SPIRE1: variants seen among roughly 807,000 people sequenced by gnomAD.
The protein encoded by SPIRE1 is spire type actin nucleation factor 1, also known as protein spire homolog 1.
Under a neutral mutation model 94.1 loss-of-function variants are expected in SPIRE1, and 40 were observed. That is an observed-to-expected ratio of 0.43 (90% CI 0.33 to 0.55). SPIRE1 has a LOEUF of 0.55. Ranked by LOEUF, SPIRE1 falls within the 20% of genes least tolerant of loss-of-function variation. The probability of loss-of-function intolerance (pLI) is 0.06; values close to 1 mark genes in which losing one functional copy is unlikely to be tolerated. For synonymous variants in SPIRE1, 376 were observed against 371.7 expected, an observed-to-expected ratio of 1.01 and a Z score of -0.13; for missense variants, 838 against 975.2, an observed-to-expected ratio of 0.86 and a Z score of 1.87.
At chr18:12,450,022 C>T (rs1380869797) in intron 16 of SPIRE1, 126 bp from the exon 17 acceptor site, 1 of 998,940 alleles carries the variant, frequency 1.0e-6, no homozygotes, top group Non-Finnish European at 1.4e-6. Context: ...GTGATTTAAT[C>T]ATATGTCCTT....
At chr18:12,621,083 A>ATC (rs758266397) in intron 2 of SPIRE1, among the ~76,000 whole-genome samples, 8 of 152,178 alleles carry the variant, frequency 5.3e-5, no homozygotes, top group Admixed American at 6.5e-5. Flanking sequence ...GGGGCAAAGG[A>ATC]TCTGAATAGT....
At chr18:12,472,611 C>A (rs564028956) in intron 10 of SPIRE1, among the ~76,000 whole-genome samples, 1 of 151,480 alleles carries the variant, frequency 6.6e-6, no homozygotes. Context: ...TCAAGTGATC[C>A]GCCTGCCTCA....
chr18:12,588,777 CTT>C (rs1467679885), intron 2 of SPIRE1, among the ~76,000 whole-genome samples: 1 of 152,124 alleles, frequency 6.6e-6, no homozygotes, highest in African/African-American at 2.4e-5. Flanking sequence ...TTTCCTAAAT[CTT>C]TGTTTTTTTA....
chr18:12,532,369 A>G (rs1053066871), intron 4 of SPIRE1, among the ~76,000 whole-genome samples: 9 of 152,258 alleles, frequency 5.9e-5, no homozygotes, highest in African/African-American at 2.2e-4. Flanking sequence ...TAAGAAATTT[A>G]GTATAATTAA....
At chr18:12,632,935 A>C (rs373208268) in intron 2 of SPIRE1, among the ~76,000 whole-genome samples, 1 of 152,242 alleles carries the variant, frequency 6.6e-6, no homozygotes, top group East Asian at 1.9e-4. Context: ...CATTACCTAA[A>C]TGCAGATGAA....
intron 2 of SPIRE1, among the ~76,000 whole-genome samples, chr18:12,600,102 C>A (rs78658010): frequency 1.4e-3 from 167 of 118,340 alleles, no homozygotes; most frequent in South Asian, 2.9e-3. Flanking sequence ...CAATGGCCAG[C>A]AAAAAAAAAA....
intron 1 of SPIRE1, among the ~76,000 whole-genome samples, chr18:12,642,619 A>G (rs1048690236): frequency 6.6e-6 from 1 of 152,208 alleles, no homozygotes; most frequent in African/African-American, 2.4e-5. Context: ...GCTGTCTAGA[A>G]TGTCATCTTC....
At chr18:12,561,515 C>G (rs992420916) in intron 2 of SPIRE1, among the ~76,000 whole-genome samples, 2 of 152,200 alleles carry the variant, frequency 1.3e-5, no homozygotes, top group African/African-American at 4.8e-5. Context: ...ATCCGCCCGC[C>G]TTGGCCTCCC....
At chr18:12,635,208 T>G in intron 1 of SPIRE1, 112 bp from the exon 2 acceptor site, 1 of 586,662 alleles carries the variant, frequency 1.7e-6, no homozygotes, top group South Asian at 2.2e-5. Flanking sequence ...TGAGAATATC[T>G]ATGCAAATGA....
chr18:12,653,689 T>C (rs1056891271), intron 1 of SPIRE1, among the ~76,000 whole-genome samples: 8 of 152,228 alleles, frequency 5.3e-5, no homozygotes, highest in African/African-American at 1.9e-4. Flanking sequence ...GGCTTACACC[T>C]GTAATCCCAG....
chr18:12,469,304 G>C (rs2143661289), intron 10 of SPIRE1, among the ~76,000 whole-genome samples: 1 of 151,816 alleles, frequency 6.6e-6, no homozygotes, highest in Non-Finnish European at 1.5e-5. Flanking sequence ...TTGGGTTCAA[G>C]CGATTCTCCT....
chr18:12,628,549 T>C (rs988165842), intron 2 of SPIRE1, among the ~76,000 whole-genome samples: 2 of 152,210 alleles, frequency 1.3e-5, no homozygotes, highest in Non-Finnish European at 2.9e-5. Flanking sequence ...TTTGGTTCTA[T>C]ATGAACTTTA....
Position 12,463,446 on chromosome 18 carries a change from G to C in SPIRE1, c.1543C>G (p.Arg515Gly), listed in dbSNP as rs761287322. ...GAATGTCGTCTCTGGGGTGGCTGCCGTCTCTCTGGCTGGGGTGTTGATGAT... is the reference window on the plus strand; with the variant it reads ...GAATGTCGTCTCTGGGGTGGCTGCCCTCTCTCTGGCTGGGGTGTTGATGAT... ...PISSTPQPER[R>G]QPPQRRHSIE... Residue 515 changes from arginine to glycine, a missense_variant, in exon 12 of 17, where the codon CGG (arginine) becomes GGG (glycine). Around this residue, in one of 2 missense-constraint regions of SPIRE1, gnomAD observed 645 missense variants for 804.7 expected, o/e 0.80. Transcript: ENST00000409402. 6.2e-7 allele frequency: 1 copy of C among 1,613,836 alleles called. No individual in the cohort carries two copies. The highest frequency in any genetic ancestry group is 8.5e-7 in the Non-Finnish European group (1 of 1,179,872).
chr18:12,623,699 G>C (rs1296836122), intron 2 of SPIRE1, among the ~76,000 whole-genome samples: 1 of 152,028 alleles, frequency 6.6e-6, no homozygotes, highest in Non-Finnish European at 1.5e-5. Flanking sequence ...CATGATCTTG[G>C]CTCACTGCAA....
At chr18:12,542,281 G>C (rs2035036694) in intron 3 of SPIRE1, among the ~76,000 whole-genome samples, 1 of 152,018 alleles carries the variant, frequency 6.6e-6, no homozygotes, top group Non-Finnish European at 1.5e-5. Flanking sequence ...AGCCAACAAG[G>C]CATTTTACAT....
upstream of SPIRE1, chr18:12,658,131 G>A: frequency 1.0e-6 from 1 of 960,818 alleles, no homozygotes; most frequent in Admixed American, 6.2e-5. Flanking sequence ...GCCCCGCCCC[G>A]CCTCGCGCCG....
chr18:12,575,961 C>T (rs568559298), intron 2 of SPIRE1, among the ~76,000 whole-genome samples: 59 of 151,908 alleles, frequency 3.9e-4, no homozygotes, highest in Non-Finnish European at 6.3e-4. Flanking sequence ...CCCAGCACTT[C>T]GGGAGGCCCA....
At chr18:12,656,618 T>C (rs993804032) in intron 1 of SPIRE1, 24 of 621,856 alleles carry the variant, frequency 3.9e-5, no homozygotes, top group African/African-American at 6.0e-5. Flanking sequence ...AAAGTGAGGG[T>C]AGATTGTTTT....
At chr18:12,566,708 T>C (rs757263914) in intron 2 of SPIRE1, among the ~76,000 whole-genome samples, 9 of 152,046 alleles carry the variant, frequency 5.9e-5, no homozygotes, top group Non-Finnish European at 1.3e-4. Context: ...AAATAATTAA[T>C]AACCTTCCAA....
Sources: allele counts gnomAD v4.1 joint callset (sites outside exome capture counted in the v4.1 genomes callset), GRCh38; gene constraint gnomAD v4.1.1; regional missense constraint gnomAD v4.1.1; transcripts MANE v1.5; gene names NCBI Gene and HGNC (gene_info 2026-07-23, HGNC 2026-07-21).